Variants in PLB1 observed in about 807,000 individuals in gnomAD.
The protein encoded by PLB1 is phospholipase B1, membrane-associated.
PLB1 carries 242 observed loss-of-function variants against 227.4 expected under a neutral mutation model. That is an observed-to-expected ratio of 1.06 (90% confidence interval 0.96 to 1.18). The LOEUF (loss-of-function observed/expected upper bound fraction) is 1.18. PLB1 is among the 50% of genes most tolerant of loss of function. PLB1 has a pLI of 0.00. For missense variants in PLB1, 1,858 were observed against 1,816.3 expected (o/e 1.02, Z -0.42); for synonymous variants, 757 against 682.2 (o/e 1.11, Z -1.71).
chr2:28,570,739 T>C (rs1019185716), intron 20 of PLB1, among the ~76,000 whole-genome samples: 16 of 152,320 alleles, frequency 1.1e-4, no homozygotes, highest in South Asian at 4.2e-4. Flanking sequence ...TGAGCTGATA[T>C]TGCGCCACTT....
intron 1 of PLB1, among the ~76,000 whole-genome samples, chr2:28,506,732 G>A (rs770769586): frequency 1.2e-4 from 18 of 152,262 alleles, no homozygotes; most frequent in Non-Finnish European, 2.1e-4. Flanking sequence ...GGCAAGATGA[G>A]TCCTCCAGCT....
chr2:28,524,746 C>T (rs1007570787), intron 4 of PLB1, among the ~76,000 whole-genome samples: 2 of 152,094 alleles, frequency 1.3e-5, no homozygotes, highest in Admixed American at 6.5e-5. Flanking sequence ...CCTTCCATCG[C>T]TCCAAGGTCT....
At chr2:28,529,913 AT>A in intron 8 of PLB1, 134 bp downstream of exon 8, 1 of 710,514 alleles carries the variant, frequency 1.4e-6, no homozygotes, top group Non-Finnish European at 2.4e-6. Context: ...TCTTTAAAAA[AT>A]GTCTCTGCCA....
intron 1 of PLB1, among the ~76,000 whole-genome samples, chr2:28,512,122 A>G (rs954560396): frequency 1.7e-5 from 2 of 117,808 alleles, no homozygotes; most frequent in Non-Finnish European, 3.2e-5. Context: ...TGGGGCTCAT[A>G]TTACATGTAT....
chr2:28,631,939 G>C, intron 54 of PLB1, 97 bp from the exon 55 acceptor site: 2 of 980,750 alleles, frequency 2.0e-6, no homozygotes, highest in South Asian at 1.3e-5. Context: ...TTTAGGGTGA[G>C]TTGACTCCCG....
intron 25 of PLB1, among the ~76,000 whole-genome samples, chr2:28,583,406 A>C (rs1372909296): frequency 1.3e-5 from 2 of 152,086 alleles, no homozygotes; most frequent in Non-Finnish European, 2.9e-5. Flanking sequence ...CTGGTCCCGA[A>C]CTGCTGACCT....
At position 28,541,827 on chromosome 2, in the gene PLB1, A is replaced by T; in HGVS notation, c.879+16A>T. On this transcript the variant is annotated intron_variant, in intron 13 of 57. Coordinates refer to ENST00000327757, the MANE Select transcript of PLB1 (RefSeq NM_153021.5). The stretch of plus-strand genomic sequence containing the variant: ...TCTACACTCGGTAAGTGGGGGCTGC[A>T]TGGCGTATCAAGAGTGTGGTGGGGG... 1 of 1,590,520 alleles carries T rather than the reference A, an allele frequency of 6.3e-7. No individual in the cohort carries two copies. Among genetic ancestry groups the T allele is most frequent in the South Asian group, 1.1e-5 (1 of 90,650 alleles).
At chr2:28,585,551 A>G in intron 25 of PLB1, 1 of 497,762 alleles carries the variant, frequency 2.0e-6, no homozygotes, top group Non-Finnish European at 3.7e-6. Flanking sequence ...TGCTGGCATT[A>G]CAGGCGTGAG....
intron 56 of PLB1, 168 bp downstream of exon 56, chr2:28,633,207 C>CTATAT: frequency 1.7e-6 from 1 of 588,510 alleles, no homozygotes; most frequent in South Asian, 2.1e-5. Context: ...GGAAAATACC[C>CTATAT]TATATTTATC....
intron 15 of PLB1, 86 bp downstream of exon 15, chr2:28,549,017 CT>C: frequency 8.4e-7 from 1 of 1,195,314 alleles, no homozygotes; most frequent in Non-Finnish European, 1.2e-6. Context: ...TGAAGTGGGT[CT>C]TACCTGAGAT....
intron 21 of PLB1, among the ~76,000 whole-genome samples, chr2:28,574,106 C>T (rs1362163411): frequency 6.6e-6 from 1 of 152,194 alleles, no homozygotes; most frequent in Non-Finnish European, 1.5e-5. Flanking sequence ...GGTTTGCTGC[C>T]TGGGCAGAGA....
intron 48 of PLB1, 78 bp from the exon 49 acceptor site, chr2:28,620,801 C>T: frequency 6.7e-7 from 1 of 1,483,442 alleles, no homozygotes; most frequent in South Asian, 1.1e-5. Context: ...TGTCCCCACC[C>T]TGCATGCTCA....
At chr2:28,514,111 A>G (rs1433669584) in intron 1 of PLB1, among the ~76,000 whole-genome samples, 1 of 152,200 alleles carries the variant, frequency 6.6e-6, no homozygotes, top group Non-Finnish European at 1.5e-5. Context: ...GAATGCTACT[A>G]TTTAAAGAAG....
rs753072126 is a variant in PLB1, at chr2:28,573,250, A to G, written c.1378A>G (p.Lys460Glu). ...SLKGFSVGTG[K>E]ETSPNAFLNQ... ...GAAGGGCTTCTCTGTTGGCACTGGG[A>G]AAGAAACCAGTCCTAATGCCTTCTT... Residue 460 changes from lysine (K) to glutamate (E), a missense_variant, in exon 21 of 58, where the codon AAA becomes GAA. Transcript: ENST00000327757. 1.4e-5 allele frequency: 23 copies of G among 1,614,028 alleles called. No individual in the cohort carries two copies. The highest frequency in any genetic ancestry group is 1.7e-5 in the Non-Finnish European group (20 of 1,180,036).
chr2:28,611,075 TAGAC>T (rs1353514753), intron 43 of PLB1, among the ~76,000 whole-genome samples: 1 of 151,710 alleles, frequency 6.6e-6, no homozygotes, highest in Non-Finnish European at 1.5e-5. Flanking sequence ...TAAAACCCAT[TAGAC>T]AGGAACATAG....
chr2:28,636,033 G>GTGTGTATGTA (rs1553467805), intron 56 of PLB1, among the ~76,000 whole-genome samples: 17 of 149,810 alleles, frequency 1.1e-4, no homozygotes, highest in African/African-American at 1.5e-4. Flanking sequence ...GTGTGTATGT[G>GTGTGTATGTA]TGTGTGTGTA....
At chr2:28,541,892 G>A (rs574005833) in intron 13 of PLB1, 81 bp downstream of exon 13, 121 of 1,154,312 alleles carry the variant, frequency 1.0e-4, no homozygotes, top group Admixed American at 7.1e-4. Context: ...CAGCACTTTG[G>A]GAGGCCGAGG....
rs1486492943 is a variant in PLB1, at chr2:28,598,121, TC to T, written c.2365+76del. 1.3e-5 allele frequency: 17 copies of T among 1,329,800 alleles called. No individual in the cohort carries two copies. In the East Asian group the frequency reaches 3.8e-4, roughly 30 times the overall value. The allele number at this position is 1,329,800 out of a possible 1,614,324, so 82.4% of individuals were successfully genotyped here. The stretch of plus-strand genomic sequence containing the variant: ...GGCCCCTTGGCTTCCCGAAAGTGCC[TC>T]CCAGGTAAGCAGCAAATGACATCTG... On this transcript the variant is annotated intron_variant, in intron 34 of 57. Transcript: ENST00000327757.
At chr2:28,525,363 A>C in intron 5 of PLB1, 56 bp downstream of exon 5, 1 of 1,554,316 alleles carries the variant, frequency 6.4e-7, no homozygotes, top group South Asian at 1.1e-5. Flanking sequence ...CTCCCATCTA[A>C]TCTTCTTGCC....
Sources: allele counts gnomAD v4.1 joint callset (sites outside exome capture counted in the v4.1 genomes callset), GRCh38; gene constraint gnomAD v4.1.1; transcripts MANE v1.5; gene names NCBI Gene and HGNC (gene_info 2026-07-23, HGNC 2026-07-21).